RIC8B: variants seen among roughly 807,000 people sequenced by gnomAD.
RIC8B encodes the protein RIC8 guanine nucleotide exchange factor B.
Under a neutral mutation model 57.5 loss-of-function variants are expected in RIC8B, and 16 were observed. That is an observed-to-expected ratio of 0.28 (90% CI 0.19 to 0.42). The LOEUF (loss-of-function observed/expected upper bound fraction) is 0.42, where lower values mean the gene tolerates loss of function less well. Ranked by LOEUF, RIC8B falls within the 10% of genes least tolerant of loss-of-function variation. The pLI is 1.00. For missense variants in RIC8B, 481 were observed against 677.0 expected (o/e 0.71, Z 3.21); for synonymous variants, 216 against 250.8 (o/e 0.86, Z 1.31).
intron 7 of RIC8B, among the ~76,000 whole-genome samples, chr12:106,854,275 T>C (rs574258362): frequency 6.6e-6 from 1 of 152,198 alleles, no homozygotes; most frequent in African/African-American, 2.4e-5. Flanking sequence ...AACTTAACAG[T>C]AATCAGATTT....
intron 8 of RIC8B, 92 bp from the exon 9 acceptor site, chr12:106,870,729 ACT>A: frequency 1.9e-6 from 2 of 1,029,426 alleles, no homozygotes; most frequent in African/African-American, 1.6e-5. Context: ...TGGCTATTAT[ACT>A]CTTTCTTATT....
intron 1 of RIC8B, among the ~76,000 whole-genome samples, chr12:106,782,076 T>C (rs778063810): frequency 6.6e-6 from 1 of 152,130 alleles, no homozygotes; most frequent in African/African-American, 2.4e-5. Context: ...GAAAACAATA[T>C]ACCAACAATG....
At chr12:106,857,989 G>A (rs139881149) in intron 7 of RIC8B, among the ~76,000 whole-genome samples, 13 of 152,254 alleles carry the variant, frequency 8.5e-5, no homozygotes, top group Non-Finnish European at 1.5e-4. Context: ...CATAGAGTTA[G>A]CACATAAGGT....
chr12:106,871,510 CCCTTCCCCTCTTGCTTCTCACCT>C (rs1319806363), intron 9 of RIC8B: 7 of 140,804 alleles, frequency 5.0e-5, no homozygotes, highest in Non-Finnish European at 7.7e-5. Flanking sequence ...CAAAAAACTC[CCCTTCCCCTCTTGCTTCTCACCT>C]CCTTCCCCTT....
In RIC8B at chr12:106,872,013, G is replaced by A. The variant is rs1286896037; in HGVS notation, c.1571+1071G>A. On this transcript the variant is annotated intron_variant, in intron 9 of 9. Coordinates refer to ENST00000392837, the MANE Select transcript of RIC8B (RefSeq NM_001330145.2). ...CTGGTAGTGTGGTAGAAGTTGTTTA[G>A]GAGTAAATAGCTTAATTATCTACAA... 3.3e-5 allele frequency among the ~76,000 whole-genome samples: 5 copies of A among 152,186 alleles called. 1 individual carries two copies. Among genetic ancestry groups the A allele is most frequent in the African/African-American group, 9.7e-5 (4 of 41,444 alleles).
At chr12:106,882,113 C>T (rs1950967353) in intron 9 of RIC8B, among the ~76,000 whole-genome samples, 1 of 152,132 alleles carries the variant, frequency 6.6e-6, no homozygotes, top group Non-Finnish European at 1.5e-5. Flanking sequence ...TTTTATTTGC[C>T]TCTGCATATT....
intron 4 of RIC8B, among the ~76,000 whole-genome samples, chr12:106,841,947 A>C (rs1191287471): frequency 6.6e-6 from 1 of 152,192 alleles, no homozygotes; most frequent in Admixed American, 6.5e-5. Context: ...ATTAATACAC[A>C]GCTGAAAGGC....
intron 8 of RIC8B, among the ~76,000 whole-genome samples, chr12:106,863,110 GGTAT>G (rs1290022743): frequency 6.6e-6 from 1 of 152,052 alleles, no homozygotes; most frequent in African/African-American, 2.4e-5. Flanking sequence ...ATAACTGGCT[GGTAT>G]GGTTTATACA....
At chr12:106,798,188 G>A (rs746040056) in intron 2 of RIC8B, 25 of 516,422 alleles carry the variant, frequency 4.8e-5, no homozygotes, top group Admixed American at 1.1e-4. Flanking sequence ...TGTCAAAAAT[G>A]TAAGGTTTCC....
chr12:106,784,898 C>T (rs764645919), intron 2 of RIC8B, among the ~76,000 whole-genome samples: 3 of 152,158 alleles, frequency 2.0e-5, no homozygotes, highest in Non-Finnish European at 2.9e-5. Context: ...AGATTTCTTC[C>T]ATCCATTTTC....
At chr12:106,839,585 A>G (rs1267996551) in intron 4 of RIC8B, among the ~76,000 whole-genome samples, 1 of 152,236 alleles carries the variant, frequency 6.6e-6, no homozygotes, top group Admixed American at 6.5e-5. Flanking sequence ...AGTTTTAGTT[A>G]TGCAAGATAA....
chr12:106,804,770 C>T (rs556798091), intron 2 of RIC8B, among the ~76,000 whole-genome samples: 18 of 152,262 alleles, frequency 1.2e-4, no homozygotes, highest in African/African-American at 3.6e-4. Flanking sequence ...AAAGAGAGAA[C>T]TCTCCATAAA....
At chr12:106,816,075 CAT>C (rs1037008749) in intron 3 of RIC8B, among the ~76,000 whole-genome samples, 6 of 152,142 alleles carry the variant, frequency 3.9e-5, no homozygotes, top group African/African-American at 1.4e-4. Context: ...GTGAAGTAGA[CAT>C]AAGCTTTTTT....
At chr12:106,807,610 A>G (rs1161186124) in intron 2 of RIC8B, among the ~76,000 whole-genome samples, 1 of 152,228 alleles carries the variant, frequency 6.6e-6, no homozygotes, top group African/African-American at 2.4e-5. Flanking sequence ...GTGAAGAACA[A>G]CTGGGGAATA....
chr12:106,848,680 C>T (rs1949318276), intron 6 of RIC8B, among the ~76,000 whole-genome samples: 1 of 151,944 alleles, frequency 6.6e-6, no homozygotes, highest in Admixed American at 6.6e-5. Context: ...GGTTTTTGTA[C>T]CAAGCAATTG....
chr12:106,855,368 C>T (rs1489967258), intron 7 of RIC8B, among the ~76,000 whole-genome samples: 6 of 152,134 alleles, frequency 3.9e-5, no homozygotes, highest in Non-Finnish European at 8.8e-5. Flanking sequence ...TGAACTCGCC[C>T]TATGTGCTTT....
At chr12:106,776,445 G>A (rs1483685503) in intron 1 of RIC8B, among the ~76,000 whole-genome samples, 4 of 152,184 alleles carry the variant, frequency 2.6e-5, no homozygotes, top group African/African-American at 7.2e-5. Flanking sequence ...ATCAACTAAT[G>A]TTTATTTAGC....
chr12:106,847,575 T>G (rs1949261290), intron 6 of RIC8B, among the ~76,000 whole-genome samples: 1 of 152,158 alleles, frequency 6.6e-6, no homozygotes. Flanking sequence ...TTTAGATAGG[T>G]TACTCAATTT....
At chr12:106,857,908 T>C (rs1949772238) in intron 7 of RIC8B, among the ~76,000 whole-genome samples, 1 of 152,200 alleles carries the variant, frequency 6.6e-6, no homozygotes, top group Non-Finnish European at 1.5e-5. Flanking sequence ...TTTAAAACTC[T>C]TGGCTATACC....
Sources: allele counts gnomAD v4.1 joint callset (sites outside exome capture counted in the v4.1 genomes callset), GRCh38; gene constraint gnomAD v4.1.1; transcripts MANE v1.5; gene names NCBI Gene and HGNC (gene_info 2026-07-23, HGNC 2026-07-21).